Variants in MTNAP1 observed in about 807,000 individuals in gnomAD.
The protein encoded by MTNAP1 is mitochondrial nucleoid associated protein 1, also known as mitochondrial nucleoid-associated protein 1.
At chr17:73,236,352 C>G in the MTNAP1 span, 1 of 1,613,996 alleles carries the variant, frequency 6.2e-7, no homozygotes, top group Non-Finnish European at 8.5e-7. Context: ...TAGGTAAAAT[C>G]CAAGTCATGG....
chr17:73,232,579 TA>T, the MTNAP1 span: 3 of 389,760 alleles, frequency 7.7e-6, no homozygotes, highest in Non-Finnish European at 1.4e-5. Flanking sequence ...CCGTGTAACA[TA>T]TTTTAAAACA....
the MTNAP1 span, chr17:73,232,439 G>A: frequency 9.4e-7 from 1 of 1,066,038 alleles, no homozygotes; most frequent in Non-Finnish European, 1.3e-6. Flanking sequence ...CTGGGAGAAA[G>A]GACCTCCCCT....
the MTNAP1 span, chr17:73,235,393 A>G: frequency 1.7e-6 from 2 of 1,178,748 alleles, no homozygotes; most frequent in Non-Finnish European, 2.4e-6. Flanking sequence ...GTTCCAAATG[A>G]ATTTAAAAGA....
the MTNAP1 span, chr17:73,243,234 A>C: frequency 3.9e-6 from 2 of 510,780 alleles, no homozygotes; most frequent in Non-Finnish European, 7.2e-6. Context: ...AGCTCACTGC[A>C]ACCTCTGCCT....
chr17:73,234,730 G>A, the MTNAP1 span, among the ~76,000 whole-genome samples: 5 of 144,804 alleles, frequency 3.5e-5, no homozygotes, highest in African/African-American at 7.5e-5. Context: ...TGTGTCCTTG[G>A]CCATGTATAT....
the MTNAP1 span, among the ~76,000 whole-genome samples, chr17:73,237,195 G>A: frequency 6.6e-6 from 1 of 152,182 alleles, no homozygotes; most frequent in Non-Finnish European, 1.5e-5. Context: ...ACTTTGGGAG[G>A]CTGAGGCCAA....
chr17:73,236,714 T>C, the MTNAP1 span: 3 of 1,614,196 alleles, frequency 1.9e-6, no homozygotes, highest in Non-Finnish European at 2.5e-6. Context: ...GAGGGACAGT[T>C]ATCTCTGGAG....
chr17:73,235,784 A>T, the MTNAP1 span: 1 of 1,614,216 alleles, frequency 6.2e-7, no homozygotes, highest in Non-Finnish European at 8.5e-7. Flanking sequence ...GTTGGTTTGG[A>T]AAGAGCAGCT....
At chr17:73,247,199 T>A in the MTNAP1 span, 1 of 1,574,510 alleles carries the variant, frequency 6.4e-7, no homozygotes, top group South Asian at 1.1e-5. Flanking sequence ...AGAAACCATA[T>A]GCCCTGAAAA....
the MTNAP1 span, chr17:73,235,392 G>C: frequency 8.5e-7 from 1 of 1,169,852 alleles, no homozygotes; most frequent in Non-Finnish European, 1.2e-6. Context: ...TGTTCCAAAT[G>C]AATTTAAAAG....
the MTNAP1 span, among the ~76,000 whole-genome samples, chr17:73,241,209 G>A: frequency 6.6e-6 from 1 of 152,088 alleles, no homozygotes. Flanking sequence ...CCAGGCTGGA[G>A]TGCAGTGTAG....
At chr17:73,242,577 A>G in the MTNAP1 span, among the ~76,000 whole-genome samples, 1 of 152,270 alleles carries the variant, frequency 6.6e-6, no homozygotes, top group Non-Finnish European at 1.5e-5. Flanking sequence ...ATTTTTTAAT[A>G]CCTACCCCCA....
chr17:73,235,344 G>C, the MTNAP1 span: 2 of 722,704 alleles, frequency 2.8e-6, no homozygotes, highest in Non-Finnish European at 2.2e-6. Context: ...ATAATGACTA[G>C]TTGACTTGCT....
chr17:73,247,288 A>G, the MTNAP1 span: 1 of 1,614,170 alleles, frequency 6.2e-7, no homozygotes, highest in Non-Finnish European at 8.5e-7. Context: ...ACCTCCATGC[A>G]TTGGTGTGGC....
At chr17:73,238,129 A>C in the MTNAP1 span, among the ~76,000 whole-genome samples, 9,223 of 152,276 alleles carry the variant, frequency 0.061, 392 homozygotes, top group Non-Finnish European at 0.085. Context: ...ACCAAGGCCC[A>C]AGGAGCCAGG....
chr17:73,235,815 CAT>C, the MTNAP1 span: 1 of 1,614,160 alleles, frequency 6.2e-7, no homozygotes, highest in Non-Finnish European at 8.5e-7. Flanking sequence ...CAGATAAAGA[CAT>C]CAAGAATCCA....
chr17:73,245,556 C>T, the MTNAP1 span: 3 of 985,220 alleles, frequency 3.0e-6, no homozygotes, highest in African/African-American at 5.2e-5. Flanking sequence ...CATTACCATT[C>T]AGCTATATGA....
the MTNAP1 span, among the ~76,000 whole-genome samples, chr17:73,241,995 A>G: frequency 6.6e-6 from 1 of 152,206 alleles, no homozygotes; most frequent in Non-Finnish European, 1.5e-5. Flanking sequence ...TGGCCAGGGT[A>G]CTCAGCAGAC....
chr17:73,243,826 C>G, the MTNAP1 span, among the ~76,000 whole-genome samples: 2 of 152,234 alleles, frequency 1.3e-5, no homozygotes, highest in East Asian at 3.8e-4. Flanking sequence ...AGCCACCGCA[C>G]TCAGCCTTTG....
Sources: allele counts gnomAD v4.1 joint callset (sites outside exome capture counted in the v4.1 genomes callset), GRCh38; gene constraint gnomAD v4.1.1; transcripts MANE v1.5; gene names NCBI Gene and HGNC (gene_info 2026-07-23, HGNC 2026-07-21).